Variants in AFAP1L1 observed in about 807,000 individuals in gnomAD.
AFAP1L1 encodes actin filament-associated protein 1-like 1.
A neutral mutation model predicts 99.8 loss-of-function variants in AFAP1L1; 77 were observed. The ratio of observed to expected loss-of-function variants is 0.77; its 90% CI spans 0.64 to 0.93. The LOEUF (loss-of-function observed/expected upper bound fraction) is 0.93, where lower values mean the gene tolerates loss of function less well. AFAP1L1 is among the 40% of genes least tolerant of loss of function. AFAP1L1 has a pLI of 0.00. For missense variants in AFAP1L1, 893 were observed against 996.8 expected (o/e 0.90, Z 1.40); for synonymous variants, 373 against 395.3 (o/e 0.94, Z 0.67).
At chr5:149,319,759 C>T (rs377025619) in intron 13 of AFAP1L1, 32 bp downstream of exon 13, 2 of 1,606,950 alleles carry the variant, frequency 1.2e-6, no homozygotes, top group Non-Finnish European at 8.5e-7. Context: ...CACACCTGCC[C>T]AGGACCTTTC....
chr5:149,321,736 A>C (rs1260140041), intron 14 of AFAP1L1, among the ~76,000 whole-genome samples: 3 of 151,034 alleles, frequency 2.0e-5, no homozygotes, highest in Admixed American at 6.6e-5. Flanking sequence ...AAAAAAAAAA[A>C]AAAAAAAAAA....
Position 149,297,729 on chromosome 5 carries a change from AC to A in AFAP1L1, c.17-1779del, listed in dbSNP as rs1171357969. ...CATCTGTTCATTCCTGTCTTGTCAG[AC>A]ACATGAAGAGCACCCACACTGAGCA... is the stretch of plus-strand genomic sequence containing the variant. On this transcript the variant is annotated intron_variant, in intron 1 of 18. Transcript: ENST00000296721. 4.6e-5 allele frequency among the ~76,000 whole-genome samples: 7 copies of A among 152,308 alleles called. No individual in the cohort carries two copies. The East Asian group carries it at 1.4e-3, about 29-fold the overall frequency.
chr5:149,291,524 CAAAAAAAAAAA>C (rs1229134807), intron 1 of AFAP1L1, among the ~76,000 whole-genome samples: 1 of 13,396 alleles, frequency 7.5e-5, no homozygotes, highest in Admixed American at 8.8e-4. Flanking sequence ...GACTCCGTCT[CAAAAAAAAAAA>C]AAAAAAAAAA....
intron 15 of AFAP1L1, among the ~76,000 whole-genome samples, chr5:149,324,561 T>A (rs1757040770): frequency 6.6e-6 from 1 of 152,220 alleles, no homozygotes; most frequent in East Asian, 1.9e-4. Context: ...ACCCAAAATT[T>A]AGCTCCTCTA....
chr5:149,289,722 GGA>G (rs1254975027), intron 1 of AFAP1L1, among the ~76,000 whole-genome samples: 2 of 152,208 alleles, frequency 1.3e-5, no homozygotes, highest in African/African-American at 4.8e-5. Context: ...GGCAGGGGAA[GGA>G]GAGATTTCTC....
intron 12 of AFAP1L1, 48 bp downstream of exon 12, chr5:149,317,988 G>A: frequency 2.6e-6 from 4 of 1,535,002 alleles, no homozygotes; most frequent in East Asian, 2.5e-5. Context: ...TGGGGACTCT[G>A]GCCTGAGTGT....
At chr5:149,275,365 TC>T (rs1457310127) in intron 1 of AFAP1L1, among the ~76,000 whole-genome samples, 1 of 152,200 alleles carries the variant, frequency 6.6e-6, no homozygotes, top group African/African-American at 2.4e-5. Flanking sequence ...GGACCTCTCT[TC>T]CTGGCTTGTA....
rs754645271 is a variant in AFAP1L1 at position 149,312,157 on chromosome 5, G to C, written c.973G>C (p.Glu325Gln). The change falls in exon 9 of 19, where the codon GAG (glutamate) becomes CAG (glutamine). Residue 325 changes from glutamate to glutamine, a missense_variant. Transcript: ENST00000296721. The stretch of plus-strand genomic sequence containing the variant: ...GCCAGTTGGGGGAGCTGAGGGAGTG[G>C]AGGTCCCCAGATCCCCAGTCCTCCT... ...SKPVGGAEGV[E>Q]VPRSPVLLCK... The C allele has an allele frequency of 9.9e-6, 16 of 1,614,034 alleles. No individual in the cohort carries two copies. The highest frequency in any genetic ancestry group is 1.3e-5 in the Non-Finnish European group (15 of 1,180,044).
rs145373317 is a variant in AFAP1L1, at chr5:149,317,740, G to A, written c.1279G>A (p.Val427Met). 21 of 1,613,856 alleles carry A rather than the reference G, an allele frequency of 1.3e-5. No individual in the cohort carries two copies. The highest frequency in any genetic ancestry group is 6.7e-5 in the East Asian group (3 of 44,890). Residue 427 changes from valine (V) to methionine (M), a missense_variant, in exon 12 of 19, where the codon GTG (valine) becomes ATG (methionine). Transcript: ENST00000296721. ...EEVPCCGYLNVLVNQGWKERW... is the reference protein window; with the variant it reads ...EEVPCCGYLNMLVNQGWKERW... Reference sequence around the variant, plus strand: ...ATTGTCTCCTCCAGGCTACCTGAACGTGCTGGTGAACCAGGGCTGGAAGGA... The same window carrying A: ...ATTGTCTCCTCCAGGCTACCTGAACATGCTGGTGAACCAGGGCTGGAAGGA...
chr5:149,316,407 C>A, intron 11 of AFAP1L1, 104 bp downstream of exon 11: 1 of 1,407,664 alleles, frequency 7.1e-7, no homozygotes, highest in Non-Finnish European at 9.7e-7. Flanking sequence ...ACCCCCAGGG[C>A]AGGGGAGGGA....
rs540199336 is a variant in AFAP1L1, at chr5:149,339,995, T to C, written c.2284-12T>C. On this transcript the variant is annotated splice_polypyrimidine_tract_variant and intron_variant, in intron 18 of 18. Transcript: ENST00000296721. ...TCAGCAAATTGATTTGTCTTCTCTT[T>C]CTGTGCTTCAGGAATGGGAAATGAA... The C allele has an allele frequency of 3.1e-6, 5 of 1,614,034 alleles. No individual in the cohort carries two copies. The highest frequency in any genetic ancestry group is 1.3e-5 in the African/African-American group (1 of 75,036).
intron 12 of AFAP1L1, 147 bp downstream of exon 12, chr5:149,318,087 A>G: frequency 2.2e-6 from 2 of 907,536 alleles, no homozygotes; most frequent in Non-Finnish European, 3.3e-6. Context: ...AGGTGACCCA[A>G]GTAGATTATA....
At chr5:149,331,386 T>C (rs567770479) in intron 16 of AFAP1L1, among the ~76,000 whole-genome samples, 1 of 152,218 alleles carries the variant, frequency 6.6e-6, no homozygotes, top group South Asian at 2.1e-4. Context: ...TTTGGGAGGC[T>C]GAGGTGGGCA....
chr5:149,271,913 G>A lies in AFAP1L1; in HGVS notation c.-56G>A. ...GAGCGCAGCGCGCCGGCCGCTACCAGCCGCGCCGGAGCCCCTGCGCCCTGC... is the reference window on the plus strand; with the variant it reads ...GAGCGCAGCGCGCCGGCCGCTACCAACCGCGCCGGAGCCCCTGCGCCCTGC... On this transcript the variant is annotated 5_prime_UTR_variant, in exon 1 of 19. Coordinates refer to ENST00000296721, the MANE Select transcript of AFAP1L1 (RefSeq NM_152406.4). 2 of 1,204,938 alleles carry A rather than the reference G, an allele frequency of 1.7e-6. No individual in the cohort carries two copies. The highest frequency in any genetic ancestry group is 1.0e-6 in the Non-Finnish European group (1 of 968,788). The allele number at this position is 1,204,938 out of a possible 1,614,324, so 74.6% of individuals were successfully genotyped here.
chr5:149,302,669 C>A, intron 5 of AFAP1L1, 143 bp downstream of exon 5: 1 of 727,402 alleles, frequency 1.4e-6, no homozygotes, highest in Non-Finnish European at 2.2e-6. Context: ...AGAAGCTACC[C>A]TGGGCACCTG....
At chr5:149,315,582 ATAAT>A (rs1319536755) in intron 9 of AFAP1L1, 12 of 489,558 alleles carry the variant, frequency 2.5e-5, no homozygotes, top group Non-Finnish European at 4.1e-5. Flanking sequence ...TCAAAGTGTT[ATAAT>A]TAATTGCCTC....
chr5:149,316,725 A>T (rs780767196), intron 11 of AFAP1L1, among the ~76,000 whole-genome samples: 108 of 152,378 alleles, frequency 7.1e-4, no homozygotes, highest in Non-Finnish European at 3.7e-4. Flanking sequence ...TTAAAAATGC[A>T]TTCAATGTGA....
chr5:149,335,504 T>A (rs1757381198), intron 17 of AFAP1L1, 90 bp from the exon 18 acceptor site: 3 of 1,437,012 alleles, frequency 2.1e-6, no homozygotes, highest in Admixed American at 2.3e-5. Flanking sequence ...ATAAAAATAA[T>A]AAAGTGTCCT....
intron 16 of AFAP1L1, among the ~76,000 whole-genome samples, chr5:149,330,447 T>C (rs1229675361): frequency 6.6e-6 from 1 of 152,198 alleles, no homozygotes; most frequent in Non-Finnish European, 1.5e-5. Flanking sequence ...TGTAGCCCTA[T>C]GAGAATCTGG....
Sources: allele counts gnomAD v4.1 joint callset (sites outside exome capture counted in the v4.1 genomes callset), GRCh38; gene constraint gnomAD v4.1.1; transcripts MANE v1.5; gene names NCBI Gene and HGNC (gene_info 2026-07-23, HGNC 2026-07-21).